SLC9A9: variants seen among roughly 807,000 people sequenced by gnomAD.
SLC9A9 encodes sodium/hydrogen exchanger 9.
In SLC9A9, 62 loss-of-function variants were observed where a neutral mutation model predicts 77.8. The observed-to-expected ratio is 0.80, with a 90% confidence interval of 0.65 to 0.98. The LOEUF (loss-of-function observed/expected upper bound fraction) is 0.98. Ranked by LOEUF, SLC9A9 falls within the 50% of genes least tolerant of loss-of-function variation. The probability of loss-of-function intolerance (pLI) is 0.00; values close to 1 mark genes in which losing one functional copy is unlikely to be tolerated. For synonymous variants in SLC9A9, 320 were observed against 283.5 expected (o/e 1.13, Z -1.29); for missense variants, 775 against 774.9 (o/e 1.00, Z 0.00).
intron 1 of SLC9A9, among the ~76,000 whole-genome samples, chr3:143,840,352 G>A (rs1385706320): frequency 1.5e-5 from 2 of 130,644 alleles, no homozygotes; most frequent in African/African-American, 2.7e-5. Flanking sequence ...ATAGTTAATG[G>A]TTCTACCTTC....
At chr3:143,329,821 A>G (rs981982885) in intron 14 of SLC9A9, among the ~76,000 whole-genome samples, 2 of 152,078 alleles carry the variant, frequency 1.3e-5, no homozygotes, top group African/African-American at 2.4e-5. Flanking sequence ...GCCCCGGTGC[A>G]CAGCAGCCCC....
chr3:143,522,312 G>A (rs1409635005), intron 9 of SLC9A9, among the ~76,000 whole-genome samples: 1 of 152,076 alleles, frequency 6.6e-6, no homozygotes, highest in South Asian at 2.1e-4. Context: ...ACCATTATTT[G>A]TATCCCTTTA....
At chr3:143,685,986 C>A (rs930309102) in intron 5 of SLC9A9, among the ~76,000 whole-genome samples, 4 of 152,130 alleles carry the variant, frequency 2.6e-5, no homozygotes, top group Admixed American at 6.6e-5. Context: ...ACTGATAAAG[C>A]CACTCAGCTA....
At chr3:143,523,248 G>T (rs1242630314) in intron 9 of SLC9A9, among the ~76,000 whole-genome samples, 1 of 152,030 alleles carries the variant, frequency 6.6e-6, no homozygotes. Context: ...ACAAAACAAT[G>T]CTTAGCTTTG....
At chr3:143,784,041 CAG>C (rs568135096) in intron 4 of SLC9A9, among the ~76,000 whole-genome samples, 79 of 152,342 alleles carry the variant, frequency 5.2e-4, no homozygotes, top group African/African-American at 1.8e-3. Flanking sequence ...AAGAAAAATG[CAG>C]CCACGGAAGA....
At chr3:143,747,404 CAAAAAAAAA>C (rs1003997379) in intron 4 of SLC9A9, among the ~76,000 whole-genome samples, 1 of 51,708 alleles carries the variant, frequency 1.9e-5, no homozygotes, top group African/African-American at 6.0e-5. Context: ...AACTCCATCT[CAAAAAAAAA>C]AAAAAAAAAA....
intron 6 of SLC9A9, among the ~76,000 whole-genome samples, chr3:143,647,444 C>A (rs187108534): frequency 6.6e-6 from 1 of 152,212 alleles, no homozygotes; most frequent in African/African-American, 2.4e-5. Flanking sequence ...CTTTTGATAT[C>A]TTGATCACCT....
chr3:143,623,603 A>G (rs1194804698), intron 6 of SLC9A9, among the ~76,000 whole-genome samples: 2 of 152,312 alleles, frequency 1.3e-5, no homozygotes, highest in African/African-American at 4.8e-5. Flanking sequence ...TCTCTGGGAC[A>G]CATTCAAAGC....
At chr3:143,771,785 C>G (rs1276339141) in intron 4 of SLC9A9, among the ~76,000 whole-genome samples, 1 of 152,220 alleles carries the variant, frequency 6.6e-6, no homozygotes, top group East Asian at 1.9e-4. Context: ...CTTTTCTCCT[C>G]TTGTCATTAC....
chr3:143,530,149 G>T (rs1462484650), intron 9 of SLC9A9, among the ~76,000 whole-genome samples: 13 of 152,196 alleles, frequency 8.5e-5, no homozygotes, highest in African/African-American at 2.9e-4. Flanking sequence ...GTGGCTATAA[G>T]CAAATGAATT....
chr3:143,770,715 A>G lies in SLC9A9; in HGVS notation c.533+24286T>C, dbSNP rs180976355. Among the ~76,000 whole-genome samples the G allele has an allele frequency of 3.3e-5, 5 of 152,338 alleles. No individual in the cohort carries two copies. In the East Asian group the frequency reaches 9.6e-4, roughly 29 times the overall value. On this transcript the variant is annotated intron_variant, in intron 4 of 15. Transcript: ENST00000316549. ...ACAAAGGCTCGATAATGTCAGTTAT[A>G]TGAAAGAAAATATCACTGAAAAAAA...
chr3:143,559,402 G>T (rs74662185), intron 8 of SLC9A9, among the ~76,000 whole-genome samples: 3,586 of 152,228 alleles, frequency 0.024, 127 homozygotes, highest in East Asian at 0.17. Flanking sequence ...CGTGTAAGAC[G>T]TTCCTATCAT....
chr3:143,363,685 T>C (rs1334653615), intron 13 of SLC9A9, 122 bp from the exon 14 acceptor site: 1 of 839,934 alleles, frequency 1.2e-6, no homozygotes, highest in Non-Finnish European at 1.8e-6. Context: ...AGTATAGGCA[T>C]TTTCATCTAA....
At chr3:143,406,715 C>T (rs995238876) in intron 12 of SLC9A9, among the ~76,000 whole-genome samples, 1 of 152,152 alleles carries the variant, frequency 6.6e-6, no homozygotes, top group Non-Finnish European at 1.5e-5. Context: ...GTGGCTCACG[C>T]CTGTGATCCC....
At chr3:143,709,824 G>C (rs1341592806) in intron 4 of SLC9A9, among the ~76,000 whole-genome samples, 1 of 152,262 alleles carries the variant, frequency 6.6e-6, no homozygotes, top group East Asian at 1.9e-4. Context: ...GTGAAAGAAT[G>C]TGTCATCCAC....
chr3:143,521,176 T>C (rs1019181074), intron 9 of SLC9A9, among the ~76,000 whole-genome samples: 1 of 152,216 alleles, frequency 6.6e-6, no homozygotes, highest in Non-Finnish European at 1.5e-5. Context: ...ATAAAGACTG[T>C]CTTCTAAACA....
chr3:143,847,069 G>A (rs893381016), intron 1 of SLC9A9, among the ~76,000 whole-genome samples: 6 of 152,118 alleles, frequency 3.9e-5, no homozygotes, highest in African/African-American at 7.2e-5. Context: ...GATTCCTTAG[G>A]TTCTGAAATC....
chr3:143,521,047 T>G (rs1236828751), intron 9 of SLC9A9, among the ~76,000 whole-genome samples: 1 of 152,192 alleles, frequency 6.6e-6, no homozygotes, highest in African/African-American at 2.4e-5. Context: ...TCATTTTAAA[T>G]TCTTTAATTA....
intron 4 of SLC9A9, among the ~76,000 whole-genome samples, chr3:143,770,208 T>C (rs2007467879): frequency 2.0e-5 from 3 of 151,664 alleles, no homozygotes. Context: ...AACTGAATAC[T>C]GAAAATAAAC....
Sources: allele counts gnomAD v4.1 joint callset (sites outside exome capture counted in the v4.1 genomes callset), GRCh38; gene constraint gnomAD v4.1.1; transcripts MANE v1.5; gene names NCBI Gene and HGNC (gene_info 2026-07-23, HGNC 2026-07-21).